The following SQOR variants were observed in gnomAD, a reference collection of about 807,000 sequenced individuals.
SQOR encodes sulfide quinone oxidoreductase.
In SQOR, 39 loss-of-function variants were observed where a neutral mutation model predicts 48.6. That is an observed-to-expected ratio of 0.80 (90% confidence interval 0.62 to 1.05). SQOR has a LOEUF of 1.05. Among genes scored for constraint, SQOR ranks in the 50% least tolerant of loss-of-function variants. The pLI, the probability that SQOR is intolerant of heterozygous loss-of-function variation, is 0.00. For missense variants in SQOR, 561 were observed against 559.9 expected, an observed-to-expected ratio of 1.00 and a Z score of -0.02; for synonymous variants, 220 against 206.2, an observed-to-expected ratio of 1.07 and a Z score of -0.57.
At chr15:45,655,631 A>G (rs568076083) in intron 1 of SQOR, among the ~76,000 whole-genome samples, 133 of 152,258 alleles carry the variant, frequency 8.7e-4, no homozygotes, top group African/African-American at 2.9e-3. Context: ...TTTAGGTATC[A>G]GTATCATGAA....
At chr15:45,683,967 A>G (rs1346145345) in intron 7 of SQOR, among the ~76,000 whole-genome samples, 2 of 151,732 alleles carry the variant, frequency 1.3e-5, no homozygotes, top group South Asian at 2.1e-4. Context: ...ACTGGAGTGC[A>G]GTGGCGCACT....
intron 7 of SQOR, among the ~76,000 whole-genome samples, chr15:45,686,846 C>G (rs545238997): frequency 6.6e-6 from 1 of 152,134 alleles, no homozygotes; most frequent in Admixed American, 6.6e-5. Flanking sequence ...AGTCTCATTC[C>G]GTCATGCAGG....
chr15:45,634,105 G>A (rs1181210732), upstream of SQOR, among the ~76,000 whole-genome samples: 1 of 149,832 alleles, frequency 6.7e-6, no homozygotes, highest in Non-Finnish European at 1.5e-5. Flanking sequence ...GAACCCATGA[G>A]GCAGATGTTG....
chr15:45,645,141 G>A (rs1324888963), intron 1 of SQOR, among the ~76,000 whole-genome samples: 1 of 152,210 alleles, frequency 6.6e-6, no homozygotes, highest in African/African-American at 2.4e-5. Context: ...CTAATGCAGT[G>A]CCATTGATAT....
intron 5 of SQOR, among the ~76,000 whole-genome samples, chr15:45,674,811 G>T (rs904360425): frequency 1.3e-5 from 2 of 152,176 alleles, no homozygotes; most frequent in African/African-American, 4.8e-5. Flanking sequence ...CCCTGCTCTT[G>T]CCTGGGGTTT....
intron 4 of SQOR, 61 bp downstream of exon 4, chr15:45,670,042 A>G: frequency 6.8e-7 from 1 of 1,469,478 alleles, no homozygotes; most frequent in South Asian, 1.1e-5. Flanking sequence ...CAAATGCTGC[A>G]TTTAGTTGCT....
rs758223562 is a variant in SQOR at position 45,659,138 on chromosome 15, C to G, written c.215C>G (p.Ala72Gly). ...AGGAAAGTGGGTGCAGAGAATGTGG[C>G]CATTGTTGAGCCCAGTGAGGTAAGC... ...MKRKVGAENV[A>G]IVEPSERHFY... The change falls in exon 2 of 10, where the codon GCC (alanine) becomes GGC (glycine). Residue 72 changes from alanine (A) to glycine (G), a missense_variant. By Grantham distance (60) the Ala-to-Gly change is moderately conservative. Coordinates refer to ENST00000260324, the MANE Select transcript of SQOR (RefSeq NM_021199.4). 2.6e-6 allele frequency: 4 copies of G among 1,549,852 alleles called. No homozygotes were observed. Among genetic ancestry groups the G allele is most frequent in the Admixed American group, 3.9e-5 (2 of 51,594 alleles).
chr15:45,667,833 G>T (rs942835529), intron 3 of SQOR, among the ~76,000 whole-genome samples: 2 of 151,768 alleles, frequency 1.3e-5, no homozygotes, highest in African/African-American at 4.8e-5. Flanking sequence ...TACCTAATAT[G>T]CCCGGATTGC....
chr15:45,673,774 G>T lies in SQOR; in HGVS notation c.627G>T (p.Met209Ile). The T allele has an allele frequency of 6.2e-7, 1 of 1,614,138 alleles. No individual in the cohort carries two copies. The highest frequency in any genetic ancestry group is 8.5e-7 in the Non-Finnish European group (1 of 1,180,016). Residue 209 changes from methionine (M) to isoleucine (I), a missense_variant, in exon 5 of 10, where the codon ATG becomes ATT. Coordinates refer to ENST00000260324, the MANE Select transcript of SQOR (RefSeq NM_021199.4). ...GTGCTGGAGCCCCTCAGAAGATCAT[G>T]TACTTATCAGAAGCCTACTTCAGGA... is the stretch of plus-strand genomic sequence containing the variant. ...VKCAGAPQKI[M>I]YLSEAYFRKT...
chr15:45,664,011 A>G (rs1241317042), intron 3 of SQOR, among the ~76,000 whole-genome samples: 1 of 152,204 alleles, frequency 6.6e-6, no homozygotes, highest in African/African-American at 2.4e-5. Flanking sequence ...TGATAAGTAA[A>G]TTATATAGTA....
At chr15:45,661,835 C>T in intron 2 of SQOR, 120 bp from the exon 3 acceptor site, 1 of 1,060,606 alleles carries the variant, frequency 9.4e-7, no homozygotes, top group East Asian at 2.6e-5. Context: ...GGAGACTTTT[C>T]CATACGATGC....
At chr15:45,637,910 C>G (rs945560347) in intron 1 of SQOR, among the ~76,000 whole-genome samples, 1 of 152,238 alleles carries the variant, frequency 6.6e-6, no homozygotes, top group Non-Finnish European at 1.5e-5. Flanking sequence ...TATAACTCCT[C>G]TTTGACTCTG....
chr15:45,668,205 A>T lies in SQOR; in HGVS notation c.406-1723A>T, dbSNP rs566985400. Among the ~76,000 whole-genome samples, 159 of 152,138 alleles carry T rather than the reference A, an allele frequency of 1.0e-3. 1 individual carries two copies. The highest frequency in any genetic ancestry group is 3.6e-3 in the African/African-American group (151 of 41,520). ...TTGATCCACCCGCCTCAGCCTCCCA[A>T]AGTGCTGGGATTACAGGCATGAGCC... is the stretch of plus-strand genomic sequence containing the variant. On this transcript the variant is annotated intron_variant, in intron 3 of 9. Coordinates refer to ENST00000260324, the MANE Select transcript of SQOR (RefSeq NM_021199.4).
chr15:45,658,885 A>G (rs1889665050), intron 1 of SQOR, 22 bp from the exon 2 acceptor site: 1 of 1,459,656 alleles, frequency 6.9e-7, no homozygotes, highest in East Asian at 2.5e-5. Flanking sequence ...TGGCACTCAC[A>G]GCCCTGTCTC....
At chr15:45,649,988 A>G (rs1028413381) in intron 1 of SQOR, among the ~76,000 whole-genome samples, 1 of 151,470 alleles carries the variant, frequency 6.6e-6, no homozygotes, top group African/African-American at 2.4e-5. Context: ...GATTACAGTT[A>G]TGTGCCACCA....
At chr15:45,664,625 C>T (rs1889781421) in intron 3 of SQOR, among the ~76,000 whole-genome samples, 1 of 152,154 alleles carries the variant, frequency 6.6e-6, no homozygotes, top group South Asian at 2.1e-4. Flanking sequence ...TGATCTCATG[C>T]TGCATAAGTT....
chr15:45,673,567 G>A, intron 4 of SQOR, 40 bp from the exon 5 acceptor site: 8 of 1,591,972 alleles, frequency 5.0e-6, no homozygotes, highest in Admixed American at 1.7e-5. Flanking sequence ...AAAGACATTT[G>A]CACTTTTGTT....
chr15:45,659,029 G>T lies in SQOR; in HGVS notation c.106G>T (p.Ala36Ser). 6.2e-7 allele frequency: 1 copy of T among 1,601,636 alleles called. No individual in the cohort carries two copies. The highest frequency in any genetic ancestry group is 1.1e-5 in the South Asian group (1 of 89,046). ...CGGCCCCCTTCAGCTGCACACCGGG[G>T]CCAGCCATGCGGCCAGGAACCATTA... ...QVGPLQLHTG[A>S]SHAARNHYEV... Residue 36 changes from alanine (A) to serine (S), a missense_variant, in exon 2 of 10, where the codon GCC becomes TCC. Ala to Ser is a moderately conservative substitution (Grantham distance 99). Coordinates refer to ENST00000260324, the MANE Select transcript of SQOR (RefSeq NM_021199.4).
rs775674151 is a variant in SQOR at position 45,673,651 on chromosome 15, G to T, written c.504G>T (p.Ser168=). 6.2e-7 allele frequency: 1 copy of T among 1,614,050 alleles called. No homozygotes were observed. Among genetic ancestry groups the T allele is most frequent in the Non-Finnish European group, 8.5e-7 (1 of 1,180,022 alleles). The change falls in exon 5 of 10, where the codon TCG becomes TCT. Residue 168 remains serine, a synonymous_variant. Coordinates refer to ENST00000260324, the MANE Select transcript of SQOR (RefSeq NM_021199.4). ...GTTTCGCTCATCCCAAAATAGGGTC[G>T]AATTATTCAGTTAAGACTGTAGAGA... is the stretch of plus-strand genomic sequence containing the variant. ...PEGFAHPKIG[S]NYSVKTVEKT...
Sources: allele counts gnomAD v4.1 joint callset (sites outside exome capture counted in the v4.1 genomes callset), GRCh38; gene constraint gnomAD v4.1.1; transcripts MANE v1.5; gene names NCBI Gene and HGNC (gene_info 2026-07-23, HGNC 2026-07-21).